Variants in GPC5 observed in about 807,000 individuals in gnomAD.
GPC5 encodes the protein glypican-5.
GPC5 carries 47 observed loss-of-function variants against 53.9 expected under a neutral mutation model. The observed-to-expected ratio is 0.87, with a 90% CI of 0.69 to 1.11. GPC5 has a LOEUF of 1.11. Ranked by LOEUF, GPC5 falls within the 50% of genes most tolerant of loss-of-function variation. The probability of loss-of-function intolerance (pLI) is 0.00; values close to 1 mark genes in which losing one functional copy is unlikely to be tolerated. For synonymous variants in GPC5, 286 were observed against 263.3 expected (o/e 1.09, Z -0.84); for missense variants, 748 against 713.1 (o/e 1.05, Z -0.56).
chr13:91,643,919 T>G (rs1283178330), intron 2 of GPC5, among the ~76,000 whole-genome samples: 1 of 152,004 alleles, frequency 6.6e-6, no homozygotes, highest in East Asian at 1.9e-4. Flanking sequence ...TTTGAGCTAT[T>G]GAGGCAAGCT....
At chr13:92,385,429 CA>C (rs2043789741) in intron 7 of GPC5, among the ~76,000 whole-genome samples, 1 of 77,184 alleles carries the variant, frequency 1.3e-5, no homozygotes, top group Non-Finnish European at 2.7e-5. Context: ...TACATATATA[CA>C]TATATACATA....
intron 7 of GPC5, among the ~76,000 whole-genome samples, chr13:92,682,090 G>A (rs1439909923): frequency 2.0e-5 from 3 of 152,174 alleles, no homozygotes; most frequent in Non-Finnish European, 4.4e-5. Context: ...GAATGAATGA[G>A]TGAATTAATG....
intron 2 of GPC5, among the ~76,000 whole-genome samples, chr13:91,468,999 T>G (rs1882430397): frequency 6.6e-6 from 1 of 151,572 alleles, no homozygotes; most frequent in Non-Finnish European, 1.5e-5. Flanking sequence ...CACCTCAGCC[T>G]CCTGAGTAGC....
chr13:92,055,263 A>G (rs1312893219), intron 6 of GPC5, among the ~76,000 whole-genome samples: 3 of 152,224 alleles, frequency 2.0e-5, no homozygotes, highest in Non-Finnish European at 2.9e-5. Flanking sequence ...ACTGAGGCAC[A>G]GATGGAGTTC....
chr13:91,660,042 G>C (rs2034948375), intron 2 of GPC5, among the ~76,000 whole-genome samples: 1 of 152,226 alleles, frequency 6.6e-6, no homozygotes, highest in South Asian at 2.1e-4. Context: ...GTTAGAGGCT[G>C]TTGGCATGGG....
intron 3 of GPC5, among the ~76,000 whole-genome samples, chr13:91,708,384 A>C (rs537276719): frequency 6.6e-6 from 1 of 150,960 alleles, no homozygotes; most frequent in African/African-American, 2.5e-5. Context: ...TGGCCTCCTA[A>C]TTAATTACTT....
intron 7 of GPC5, among the ~76,000 whole-genome samples, chr13:92,273,675 T>A (rs1466417120): frequency 6.7e-6 from 1 of 150,066 alleles, no homozygotes; most frequent in Non-Finnish European, 1.5e-5. Flanking sequence ...GCAAAAAAAA[T>A]GGAGTTTGCA....
intron 7 of GPC5, among the ~76,000 whole-genome samples, chr13:92,615,189 T>C (rs1384421145): frequency 6.6e-6 from 1 of 152,258 alleles, no homozygotes; most frequent in Non-Finnish European, 1.5e-5. Context: ...GCCTCTGTTT[T>C]CTCATTCAAA....
intron 7 of GPC5, among the ~76,000 whole-genome samples, chr13:92,803,396 C>A (rs1420113121): frequency 6.6e-6 from 1 of 151,884 alleles, no homozygotes; most frequent in African/African-American, 2.4e-5. Flanking sequence ...ATCAGACTAG[C>A]ACAGGGGATT....
rs115555673 is a variant in GPC5 at position 92,474,043 on chromosome 13, T to C, written c.1561+329054T>C. On this transcript the variant is annotated intron_variant, in intron 7 of 7. Transcript: ENST00000377067. ...TATTGCCTTGCTAAAGTCCCAAAGC[T>C]ATGTGAAATGTCAGCTAATTGAAAA... Among the ~76,000 whole-genome samples the C allele has an allele frequency of 3.0e-3, 456 of 152,250 alleles. 5 individuals are homozygous for C. Among genetic ancestry groups the C allele is most frequent in the African/African-American group, 0.01 (428 of 41,576 alleles).
chr13:91,436,682 T>G (rs1879998859), intron 1 of GPC5, among the ~76,000 whole-genome samples: 1 of 152,042 alleles, frequency 6.6e-6, no homozygotes, highest in African/African-American at 2.4e-5. Context: ...GGGTGGAGAG[T>G]TCTGTAGATG....
chr13:91,724,314 G>A (rs1201744947), intron 3 of GPC5, among the ~76,000 whole-genome samples: 1 of 151,988 alleles, frequency 6.6e-6, no homozygotes, highest in Non-Finnish European at 1.5e-5. Flanking sequence ...CCGCCTCTCT[G>A]TTAACACCAA....
chr13:91,612,931 C>CA (rs1419649515), intron 2 of GPC5, among the ~76,000 whole-genome samples: 1 of 152,074 alleles, frequency 6.6e-6, no homozygotes, highest in Non-Finnish European at 1.5e-5. Context: ...AATTACAAGG[C>CA]AAAGGGGCAA....
At chr13:91,465,528 T>C (rs1276473410) in intron 2 of GPC5, among the ~76,000 whole-genome samples, 2 of 152,160 alleles carry the variant, frequency 1.3e-5, no homozygotes, top group Non-Finnish European at 2.9e-5. Context: ...TGTGAATACA[T>C]TTGAAATTGT....
intron 3 of GPC5, among the ~76,000 whole-genome samples, chr13:91,706,087 G>T (rs928994455): frequency 2.6e-5 from 4 of 151,700 alleles, no homozygotes; most frequent in Non-Finnish European, 5.9e-5. Context: ...CACCATGTTG[G>T]CCAGGATGGT....
intron 6 of GPC5, among the ~76,000 whole-genome samples, chr13:92,057,321 A>G (rs78633090): frequency 1.0e-4 from 15 of 148,194 alleles, no homozygotes; most frequent in South Asian, 6.5e-4. Flanking sequence ...ACAAACAAAA[A>G]ACACAAAGAC....
intron 7 of GPC5, among the ~76,000 whole-genome samples, chr13:92,466,477 T>C (rs1435864083): frequency 6.6e-6 from 1 of 152,024 alleles, no homozygotes; most frequent in Non-Finnish European, 1.5e-5. Flanking sequence ...TTTAGACCAT[T>C]ACGGTGTAAG....
At chr13:92,083,203 G>A (rs2041310162) in intron 6 of GPC5, among the ~76,000 whole-genome samples, 1 of 152,134 alleles carries the variant, frequency 6.6e-6, no homozygotes, top group South Asian at 2.1e-4. Flanking sequence ...GTTTGCTAAT[G>A]GGGATTCTAG....
At chr13:92,493,786 G>A (rs904256204) in intron 7 of GPC5, among the ~76,000 whole-genome samples, 16 of 152,112 alleles carry the variant, frequency 1.1e-4, no homozygotes, top group Non-Finnish European at 2.1e-4. Flanking sequence ...CTAGCAATTC[G>A]ACAAGTCACT....
Sources: allele counts gnomAD v4.1 joint callset (sites outside exome capture counted in the v4.1 genomes callset), GRCh38; gene constraint gnomAD v4.1.1; transcripts MANE v1.5; gene names NCBI Gene and HGNC (gene_info 2026-07-23, HGNC 2026-07-21).